Variants in ZNF607 observed in about 807,000 individuals in gnomAD.
The protein encoded by ZNF607 is zinc finger protein 607.
ZNF607 carries 5 observed loss-of-function variants against 12.8 expected under a neutral mutation model. That is an observed-to-expected ratio of 0.39 (90% CI 0.20 to 0.82). ZNF607 has a LOEUF of 0.82. ZNF607 is among the 40% of genes least tolerant of loss of function. ZNF607 has a pLI of 0.39. For synonymous variants in ZNF607, 287 were observed against 276.2 expected, an observed-to-expected ratio of 1.04 and a Z score of -0.39; for missense variants, 851 against 859.2, an observed-to-expected ratio of 0.99 and a Z score of 0.12.
At chr19:37,718,803 A>G (rs1316028767) in intron 1 of ZNF607, among the ~76,000 whole-genome samples, 2 of 152,244 alleles carry the variant, frequency 1.3e-5, no homozygotes, top group Admixed American at 6.5e-5. Flanking sequence ...ATTTCCTCTT[A>G]GTAATTTCTC....
intron 4 of ZNF607, among the ~76,000 whole-genome samples, chr19:37,700,342 T>C (rs187133762): frequency 1.2e-4 from 19 of 152,274 alleles, no homozygotes; most frequent in Non-Finnish European, 1.9e-4. Context: ...TTCCAGCAGA[T>C]TGAACATCTG....
chr19:37,714,057 A>G (rs1257450571), intron 1 of ZNF607, among the ~76,000 whole-genome samples: 1 of 151,840 alleles, frequency 6.6e-6, no homozygotes, highest in East Asian at 2.0e-4. Context: ...GCAGTGGCTC[A>G]TGCCTGTAAT....
chr19:37,707,868 G>T, intron 4 of ZNF607, 46 bp downstream of exon 4: 1 of 1,427,666 alleles, frequency 7.0e-7, no homozygotes, highest in East Asian at 2.3e-5. Flanking sequence ...TTCCACGAGG[G>T]CTATTTGCAT....
At chr19:37,701,989 G>T (rs1045654516) in intron 4 of ZNF607, among the ~76,000 whole-genome samples, 2 of 152,112 alleles carry the variant, frequency 1.3e-5, no homozygotes, top group Non-Finnish European at 2.9e-5. Flanking sequence ...AGAGAAAAAT[G>T]GTTTAAAAAA....
At chr19:37,707,446 A>G (rs184636782) in intron 4 of ZNF607, among the ~76,000 whole-genome samples, 3 of 152,144 alleles carry the variant, frequency 2.0e-5, no homozygotes, top group Admixed American at 1.3e-4. Flanking sequence ...CTTATCTCAA[A>G]AACAAAAAAA....
chr19:37,715,961 G>T (rs923192103), intron 1 of ZNF607, among the ~76,000 whole-genome samples: 1 of 152,130 alleles, frequency 6.6e-6, no homozygotes, highest in Non-Finnish European at 1.5e-5. Context: ...TTCATCATTT[G>T]TGCCCTGTTA....
At chr19:37,714,994 C>A (rs994730744) in intron 1 of ZNF607, among the ~76,000 whole-genome samples, 1 of 152,044 alleles carries the variant, frequency 6.6e-6, no homozygotes, top group Non-Finnish European at 1.5e-5. Context: ...GCAACCTCCA[C>A]CTCCCAGGTT....
intron 2 of ZNF607, among the ~76,000 whole-genome samples, chr19:37,711,339 T>C (rs2045131074): frequency 6.6e-6 from 1 of 152,206 alleles, no homozygotes; most frequent in African/African-American, 2.4e-5. Flanking sequence ...ACTTGACTCC[T>C]TTCCTCTGTA....
Position 37,699,575 on chromosome 19 carries a change from C to A in ZNF607, c.556G>T (p.Ala186Ser), listed in dbSNP as rs1011546607. 1.9e-6 allele frequency: 3 copies of A among 1,614,030 alleles called. No individual in the cohort carries two copies. Among genetic ancestry groups the A allele is most frequent in the African/African-American group, 2.7e-5 (2 of 75,036 alleles). ...GKVFSYPANLAQHGKVHVEKP... is the reference protein window; with the variant it reads ...GKVFSYPANLSQHGKVHVEKP... Reference sequence around the variant, plus strand: ...TCAACATGAACTTTCCCATGTTGAGCAAGGTTTGCAGGATAACTGAAGACC... The same window carrying A: ...TCAACATGAACTTTCCCATGTTGAGAAAGGTTTGCAGGATAACTGAAGACC... The change falls in exon 5 of 5, where the codon GCT becomes TCT. Residue 186 changes from alanine to serine, a missense_variant. By Grantham distance (99) the Ala-to-Ser change is moderately conservative. Coordinates refer to ENST00000355202, the MANE Select transcript of ZNF607 (RefSeq NM_032689.5).
chr19:37,705,141 A>G (rs2045070570), intron 4 of ZNF607, among the ~76,000 whole-genome samples: 1 of 152,338 alleles, frequency 6.6e-6, no homozygotes, highest in South Asian at 2.1e-4. Flanking sequence ...TGAAAGATCA[A>G]TGAAATTGAT....
In ZNF607 at chr19:37,719,741, C is replaced by G. The variant is rs1442967748; in HGVS notation, c.-547G>C. On this transcript the variant is annotated 5_prime_UTR_variant, in exon 1 of 5. Transcript: ENST00000355202. ...CGCCTCCCACCCACCGCTCGAGCCC[C>G]GGAGACTTCTGGGAGTGGCCGCCTT... 1.3e-5 allele frequency: 2 copies of G among 152,364 alleles called. No individual in the cohort carries two copies. The highest frequency in any genetic ancestry group is 2.9e-5 in the Non-Finnish European group (2 of 68,142). 9.4% of individuals were successfully genotyped at this position (152,364 alleles called of 1,614,324 possible).
At chr19:37,712,944 TCTC>T (rs961231194) in intron 1 of ZNF607, among the ~76,000 whole-genome samples, 32 of 152,102 alleles carry the variant, frequency 2.1e-4, no homozygotes, top group African/African-American at 7.2e-4. Context: ...CCCTGAGAAA[TCTC>T]CTCTGTGAAT....
In ZNF607 at chr19:37,698,123, C is replaced by T; in HGVS notation, c.2008G>A (p.Glu670Lys). Residue 670 changes from glutamate (E) to lysine (K), a missense_variant, in exon 5 of 5, where the codon GAG becomes AAG. By Grantham distance (56) the Glu-to-Lys change is moderately conservative. Coordinates refer to ENST00000355202, the MANE Select transcript of ZNF607 (RefSeq NM_032689.5). ...CATTTGTTACATTTAAAGGGTTTCT[C>T]ACCAGTATGAACTCTATGATGTATA... Reference protein sequence around the residue: ...LSIHHRVHTGEKPFKCNKCRR... With the variant: ...LSIHHRVHTGKKPFKCNKCRR... 6.2e-7 allele frequency: 1 copy of T among 1,614,020 alleles called. No individual in the cohort carries two copies.
At chr19:37,704,883 GGA>G (rs1457894321) in intron 4 of ZNF607, among the ~76,000 whole-genome samples, 7 of 152,044 alleles carry the variant, frequency 4.6e-5, no homozygotes, top group Admixed American at 1.3e-4. Context: ...CCCAGGAGGT[GGA>G]GCTTGCAGTG....
At chr19:37,711,547 G>C in intron 2 of ZNF607, 63 bp downstream of exon 2, 3 of 1,561,548 alleles carry the variant, frequency 1.9e-6, no homozygotes, top group East Asian at 2.2e-5. Context: ...AAAATGATGA[G>C]AAGACATACA....
At chr19:37,702,171 C>T (rs570211846) in intron 4 of ZNF607, among the ~76,000 whole-genome samples, 3 of 151,420 alleles carry the variant, frequency 2.0e-5, no homozygotes, top group Non-Finnish European at 4.4e-5. Context: ...CCTGTAATCC[C>T]AGCTACTCGG....
Position 37,696,726 on chromosome 19 carries a change from C to A in ZNF607, c.*1314G>T. ...CTTCTGCAGCTTCCAGCTTGCACAG[C>A]TCGCTCTGGCCGTCCCCTGCAGTGG... On this transcript the variant is annotated 3_prime_UTR_variant, in exon 5 of 5. Transcript: ENST00000355202. The A allele has an allele frequency of 1.1e-6, 1 of 914,216 alleles. No individual in the cohort carries two copies. The highest frequency in any genetic ancestry group is 1.8e-6 in the Non-Finnish European group (1 of 560,610). The allele number at this position is 914,216 out of a possible 1,614,324, so 56.6% of individuals were successfully genotyped here. A position where few individuals can be genotyped will look rare whatever the true frequency, so the allele number is the denominator to read the frequency against.
chr19:37,705,147 T>C (rs140674097), intron 4 of ZNF607, among the ~76,000 whole-genome samples: 258 of 151,656 alleles, frequency 1.7e-3, no homozygotes, highest in African/African-American at 5.8e-3. Context: ...ATCAATGAAA[T>C]TGATAAACCT....
At chr19:37,710,477 A>AAAAAAAAAG (rs1555735219) in intron 2 of ZNF607, among the ~76,000 whole-genome samples, 1 of 142,398 alleles carries the variant, frequency 7.0e-6, no homozygotes. Flanking sequence ...AAAAAAAAAA[A>AAAAAAAAAG]AAAAGAAAAG....
Sources: gnomAD v4.1 joint callset for allele counts (sites outside exome capture counted in the v4.1 genomes callset) on GRCh38, gnomAD v4.1.1 for gene constraint, MANE v1.5 for transcripts, NCBI Gene and HGNC (gene_info 2026-07-23, HGNC 2026-07-21) for gene names.